Variants in FLRT1 observed in about 807,000 individuals in gnomAD.
The protein encoded by FLRT1 is fibronectin leucine rich transmembrane protein 1, also known as leucine-rich repeat transmembrane protein FLRT1.
A neutral mutation model predicts 30.9 loss-of-function variants in FLRT1; 14 were observed. That is an observed-to-expected ratio of 0.45 (90% CI 0.30 to 0.71). The LOEUF (loss-of-function observed/expected upper bound fraction) is 0.71. Among genes scored for constraint, FLRT1 ranks in the 30% least tolerant of loss-of-function variants. The probability of loss-of-function intolerance (pLI) is 0.08; values close to 1 mark genes in which losing one functional copy is unlikely to be tolerated. For missense variants in FLRT1, 737 were observed against 949.2 expected (o/e 0.78, Z 2.94); for synonymous variants, 368 against 430.4 (o/e 0.85, Z 1.80).
intron 2 of FLRT1, among the ~76,000 whole-genome samples, chr11:64,114,745 A>T (rs1167278939): frequency 2.0e-5 from 3 of 151,996 alleles, no homozygotes; most frequent in Non-Finnish European, 2.9e-5. Flanking sequence ...ATGGATGGAC[A>T]GGTCCATGCA....
intron 1 of FLRT1, among the ~76,000 whole-genome samples, chr11:64,097,913 T>G (rs545396721): frequency 2.8e-4 from 43 of 152,084 alleles, no homozygotes; most frequent in African/African-American, 9.4e-4. Flanking sequence ...CTGGGAGCAC[T>G]CAGCTGCCCT....
At chr11:64,047,041 G>T (rs1194475371) in intron 1 of FLRT1, among the ~76,000 whole-genome samples, 4 of 151,666 alleles carry the variant, frequency 2.6e-5, no homozygotes, top group Admixed American at 2.0e-4. Context: ...TCGCCCCAGT[G>T]CCCCCCCCGG....
At chr11:64,115,696 GC>G (rs1249491427) in intron 2 of FLRT1, among the ~76,000 whole-genome samples, 1 of 152,192 alleles carries the variant, frequency 6.6e-6, no homozygotes. Flanking sequence ...GGGCCTTCCA[GC>G]AACAAGCTTT....
intron 1 of FLRT1, among the ~76,000 whole-genome samples, chr11:64,062,062 C>T (rs1197045393): frequency 6.6e-6 from 1 of 150,902 alleles, no homozygotes; most frequent in Non-Finnish European, 1.5e-5. Context: ...CTCTGCCTGG[C>T]ATGCCTTTGC....
intron 1 of FLRT1, among the ~76,000 whole-genome samples, chr11:64,101,490 G>A (rs1045012578): frequency 3.9e-5 from 6 of 152,132 alleles, no homozygotes; most frequent in Non-Finnish European, 7.4e-5. Context: ...CCCAGGACAC[G>A]GCAATCATCC....
chr11:64,079,080 C>T lies in FLRT1; in HGVS notation c.-1037-24114C>T, dbSNP rs567289921. Among the ~76,000 whole-genome samples the T allele has an allele frequency of 1.3e-4, 19 of 144,486 alleles. No homozygotes were observed. In the East Asian group the frequency reaches 3.3e-3, roughly 25 times the overall value. 94.8% of individuals were successfully genotyped at this position (144,486 alleles called of 152,430 possible). On this transcript the variant is annotated intron_variant, in intron 1 of 2. Coordinates refer to ENST00000682287, the MANE Select transcript of FLRT1 (RefSeq NM_013280.5). ...GGACAGACCGGGGGCGGTGGGGAGG[C>T]GCTGCTGTCTCCTGGCAAGAGATGG...
intron 1 of FLRT1, among the ~76,000 whole-genome samples, chr11:64,049,753 T>G (rs1943655611): frequency 6.6e-6 from 1 of 152,186 alleles, no homozygotes; most frequent in Non-Finnish European, 1.5e-5. Flanking sequence ...GGGGATCGGT[T>G]TCTCCATCTG....
intron 1 of FLRT1, among the ~76,000 whole-genome samples, chr11:64,073,689 A>C (rs2134468803): frequency 6.6e-6 from 1 of 152,252 alleles, no homozygotes; most frequent in Non-Finnish European, 1.5e-5. Context: ...ATGGCATGCG[A>C]GAGTGTGCGT....
chr11:64,066,643 G>GAA (rs942773480), intron 1 of FLRT1, among the ~76,000 whole-genome samples: 1 of 78,916 alleles, frequency 1.3e-5, no homozygotes, highest in African/African-American at 4.6e-5. Context: ...TCTTCAAAAA[G>GAA]AAAAAAAAAA....
chr11:64,046,606 C>A (rs1943588935), intron 1 of FLRT1, among the ~76,000 whole-genome samples: 1 of 152,116 alleles, frequency 6.6e-6, no homozygotes, highest in African/African-American at 2.4e-5. Context: ...GGCTAGAGGA[C>A]AAGATCATGT....
At chr11:64,085,492 AGCTG>A (rs1944378210) in intron 1 of FLRT1, among the ~76,000 whole-genome samples, 1 of 152,220 alleles carries the variant, frequency 6.6e-6, no homozygotes, top group Admixed American at 6.5e-5. Context: ...CGGCCGGCTT[AGCTG>A]GCTGGGATTG....
At chr11:64,107,483 CCA>C (rs1298446378) in intron 2 of FLRT1, among the ~76,000 whole-genome samples, 2 of 152,238 alleles carry the variant, frequency 1.3e-5, no homozygotes, top group Non-Finnish European at 2.9e-5. Flanking sequence ...CCGCCTGGCA[CCA>C]GCGCCACCCA....
chr11:64,079,527 CA>C (rs1296931247), intron 1 of FLRT1, among the ~76,000 whole-genome samples: 1 of 152,116 alleles, frequency 6.6e-6, no homozygotes, highest in African/African-American at 2.4e-5. Flanking sequence ...CCAGCAAATG[CA>C]AAGGCTTGGA....
At chr11:64,047,032 C>T (rs991600708) in intron 1 of FLRT1, among the ~76,000 whole-genome samples, 2 of 152,204 alleles carry the variant, frequency 1.3e-5, no homozygotes, top group African/African-American at 2.4e-5. Flanking sequence ...GCACCAGCCT[C>T]GCCCCAGTGC....
intron 1 of FLRT1, among the ~76,000 whole-genome samples, chr11:64,053,829 G>A (rs547688244): frequency 6.6e-6 from 1 of 152,308 alleles, no homozygotes; most frequent in East Asian, 1.9e-4. Flanking sequence ...CAGATGGGGA[G>A]GGGAGTGCTC....
intron 1 of FLRT1, among the ~76,000 whole-genome samples, chr11:64,066,202 C>T (rs1944002322): frequency 6.9e-6 from 1 of 145,938 alleles, no homozygotes; most frequent in Non-Finnish European, 1.5e-5. Context: ...GAGGCTGAGG[C>T]AGGAGAATTG....
At chr11:64,098,440 C>T (rs185623766) in intron 1 of FLRT1, among the ~76,000 whole-genome samples, 2 of 152,332 alleles carry the variant, frequency 1.3e-5, no homozygotes, top group East Asian at 1.9e-4. Flanking sequence ...ATTACTGGAG[C>T]GGTCCTAGCC....
At chr11:64,084,727 C>T (rs1309817890) in intron 1 of FLRT1, among the ~76,000 whole-genome samples, 1 of 152,224 alleles carries the variant, frequency 6.6e-6, no homozygotes, top group African/African-American at 2.4e-5. Context: ...TGCTTCGGCT[C>T]AGCCCTAGGC....
At chr11:64,069,779 G>A (rs1030968864) in intron 1 of FLRT1, among the ~76,000 whole-genome samples, 1 of 152,212 alleles carries the variant, frequency 6.6e-6, no homozygotes, top group Non-Finnish European at 1.5e-5. Context: ...ACCTCCGCAC[G>A]CTGCCGGCCA....
Sources: allele counts gnomAD v4.1 joint callset (sites outside exome capture counted in the v4.1 genomes callset), GRCh38; gene constraint gnomAD v4.1.1; transcripts MANE v1.5; gene names NCBI Gene and HGNC (gene_info 2026-07-23, HGNC 2026-07-21).